TESPA1: variants seen among roughly 807,000 people sequenced by gnomAD.
The protein encoded by TESPA1 is thymocyte expressed, positive selection associated 1.
A neutral mutation model predicts 57.9 loss-of-function variants in TESPA1; 33 were observed. The observed-to-expected ratio is 0.57, with a 90% CI of 0.43 to 0.76. TESPA1 has a LOEUF of 0.76. TESPA1 is among the 30% of genes least tolerant of loss of function. The probability of loss-of-function intolerance (pLI) is 0.00; values close to 1 mark genes in which losing one functional copy is unlikely to be tolerated. For missense variants in TESPA1, 618 were observed against 632.9 expected (o/e 0.98, Z 0.25); for synonymous variants, 227 against 228.9 (o/e 0.99, Z 0.07).
chr12:54,961,094 A>T lies in TESPA1; in HGVS notation c.*1+74T>A, dbSNP rs576442657. The T allele has an allele frequency of 6.3e-4, 775 of 1,222,426 alleles. 13 individuals are homozygous for T. In the South Asian group the frequency reaches 0.014, roughly 23 times the overall value. 75.7% of individuals were successfully genotyped at this position (1,222,426 alleles called of 1,614,324 possible). A position where few individuals can be genotyped will look rare whatever the true frequency, so the allele number is the denominator to read the frequency against. On this transcript the variant is annotated intron_variant, in intron 10 of 10. Coordinates refer to ENST00000449076, the MANE Select transcript of TESPA1 (RefSeq NM_001136030.3). ...TGTGGGACCCTTTATTATGGGTTTA[A>T]AAAAAAAAAACCTTCCTCATTTGAT...
intron 3 of TESPA1, among the ~76,000 whole-genome samples, chr12:54,969,283 A>C (rs898123994): frequency 2.6e-5 from 4 of 151,762 alleles, no homozygotes; most frequent in Admixed American, 2.0e-4. Flanking sequence ...TAATTACATA[A>C]AGTATGTTGT....
chr12:54,959,397 A>T (rs978083839), intron 10 of TESPA1, among the ~76,000 whole-genome samples: 11 of 152,204 alleles, frequency 7.2e-5, no homozygotes, highest in African/African-American at 2.7e-4. Flanking sequence ...GCATTTCAAA[A>T]TGGTTCCTTT....
At chr12:54,957,235 T>C (rs938594960) in intron 10 of TESPA1, among the ~76,000 whole-genome samples, 1 of 152,190 alleles carries the variant, frequency 6.6e-6, no homozygotes, top group Non-Finnish European at 1.5e-5. Flanking sequence ...GGGCAATGCA[T>C]GGGCTGCACA....
intron 6 of TESPA1, 29 bp from the exon 7 acceptor site, chr12:54,966,180 A>G: frequency 6.4e-7 from 1 of 1,563,738 alleles, no homozygotes; most frequent in Non-Finnish European, 8.7e-7. Flanking sequence ...ATGTCATACA[A>G]ATCTTGTTTC....
Position 54,966,555 on chromosome 12 carries a change from T to A in TESPA1, c.311-131A>T, listed in dbSNP as rs894878464. ...ACTATGACAGGCTAGCTGGACCCCA[T>A]AAATTCTGCACTTCTTGGGGCCTCA... On this transcript the variant is annotated intron_variant, in intron 5 of 10. Coordinates refer to ENST00000449076, the MANE Select transcript of TESPA1 (RefSeq NM_001136030.3). 5 of 1,029,586 alleles carry A rather than the reference T, an allele frequency of 4.9e-6. No homozygotes were observed. The South Asian group carries it at 8.0e-5, about 17-fold the overall frequency. 63.8% of individuals were successfully genotyped at this position (1,029,586 alleles called of 1,614,324 possible).
intron 8 of TESPA1, 92 bp downstream of exon 8, chr12:54,963,650 C>T: frequency 1.4e-6 from 2 of 1,390,016 alleles, no homozygotes; most frequent in East Asian, 2.5e-5. Context: ...TTAAAGATAA[C>T]CAAGAGAAAG....
intron 3 of TESPA1, among the ~76,000 whole-genome samples, chr12:54,969,935 C>T (rs931041064): frequency 2.0e-5 from 3 of 151,934 alleles, no homozygotes; most frequent in Admixed American, 6.6e-5. Flanking sequence ...TATTTATTTG[C>T]CTATTATTTA....
At chr12:54,971,131 T>G (rs895732594) in intron 3 of TESPA1, among the ~76,000 whole-genome samples, 5 of 152,358 alleles carry the variant, frequency 3.3e-5, no homozygotes, top group South Asian at 2.1e-4. Context: ...CTGCAGAGCT[T>G]GTCAGAAAAG....
At chr12:54,954,096 G>A (rs1950584789) in intron 10 of TESPA1, among the ~76,000 whole-genome samples, 1 of 152,170 alleles carries the variant, frequency 6.6e-6, no homozygotes, top group Non-Finnish European at 1.5e-5. Flanking sequence ...AAAGGGTCAA[G>A]GCACACAGTA....
intron 1 of TESPA1, among the ~76,000 whole-genome samples, chr12:54,979,207 TA>T (rs11420030): frequency 6.6e-6 from 1 of 151,882 alleles, no homozygotes; most frequent in Non-Finnish European, 1.5e-5. Flanking sequence ...TTCTCCTATT[TA>T]AAAAAAATAT....
In TESPA1 at chr12:54,973,641, A is replaced by ATTT. The variant is rs1354140446; in HGVS notation, c.164-123_164-122insAAA. On this transcript the variant is annotated intron_variant, in intron 2 of 10. Coordinates refer to ENST00000449076, the MANE Select transcript of TESPA1 (RefSeq NM_001136030.3). ...CTGCGTCATGAATCTTTTTTTCTAC[A>ATTT]TAAAGCTTTTCTTTAAGATATGAGA... 29 of 1,547,602 alleles carry ATTT rather than the reference A, an allele frequency of 1.9e-5. No homozygotes were observed. The African/African-American group carries it at 3.6e-4, about 19-fold the overall frequency.
intron 10 of TESPA1, among the ~76,000 whole-genome samples, chr12:54,957,932 A>G (rs1218870071): frequency 1.3e-5 from 2 of 152,210 alleles, no homozygotes; most frequent in Non-Finnish European, 2.9e-5. Flanking sequence ...ATGTGGAAAA[A>G]TGTGTGCCTT....
chr12:54,975,986 G>A (rs139169788), intron 1 of TESPA1, among the ~76,000 whole-genome samples: 6 of 152,274 alleles, frequency 3.9e-5, no homozygotes, highest in Middle Eastern at 3.4e-3. Flanking sequence ...CAAGTGAGAC[G>A]GTAGTTAGCA....
Position 54,950,324 on chromosome 12 carries a change from T to G in TESPA1, c.*68A>C, listed in dbSNP as rs1387797442. On this transcript the variant is annotated 3_prime_UTR_variant, in exon 11 of 11. Coordinates refer to ENST00000449076, the MANE Select transcript of TESPA1 (RefSeq NM_001136030.3). ...GGGCAGTGCAGTTTCCTGCAAGAGGTGGCTTTTAGTTTCTTCTTTGAAGCC... is the reference window on the plus strand; with the variant it reads ...GGGCAGTGCAGTTTCCTGCAAGAGGGGGCTTTTAGTTTCTTCTTTGAAGCC... The G allele has an allele frequency of 4.4e-6, 2 of 456,942 alleles. No homozygotes were observed. The highest frequency in any genetic ancestry group is 4.7e-5 in the Admixed American group (2 of 42,590). 28.3% of individuals were successfully genotyped at this position (456,942 alleles called of 1,614,324 possible).
At chr12:54,957,885 G>A (rs567463428) in intron 10 of TESPA1, among the ~76,000 whole-genome samples, 59 of 152,294 alleles carry the variant, frequency 3.9e-4, no homozygotes, top group Middle Eastern at 3.4e-3. Context: ...CTGACACTAT[G>A]AATTTTAAGG....
chr12:54,963,607 A>G (rs1313723237), intron 8 of TESPA1, 135 bp downstream of exon 8: 3 of 1,006,226 alleles, frequency 3.0e-6, no homozygotes, highest in African/African-American at 1.6e-5. Context: ...ACTGAAGACA[A>G]CATAAGAGGA....
rs1353736979 is a variant in TESPA1 at position 54,963,262 on chromosome 12, A to G, written c.656-20T>C. ...ACCTGCCTGGGTACAAGAGTTAAAG[A>G]TGGTAAGTCTGGGGTTCATCAGCAA... On this transcript the variant is annotated intron_variant, in intron 8 of 10. Coordinates refer to ENST00000449076, the MANE Select transcript of TESPA1 (RefSeq NM_001136030.3). The G allele has an allele frequency of 6.3e-7, 1 of 1,591,164 alleles. No homozygotes were observed. Among genetic ancestry groups the G allele is most frequent in the South Asian group, 1.1e-5 (1 of 88,458 alleles).
intron 10 of TESPA1, among the ~76,000 whole-genome samples, chr12:54,960,241 A>C (rs557943719): frequency 1.1e-3 from 162 of 152,340 alleles, no homozygotes; most frequent in African/African-American, 3.9e-3. Context: ...GGTGGTTAAA[A>C]CTACAGAAAG....
intron 3 of TESPA1, 136 bp from the exon 4 acceptor site, chr12:54,968,028 A>T: frequency 6.5e-7 from 1 of 1,532,036 alleles, no homozygotes; most frequent in South Asian, 1.2e-5. Context: ...TATGTTGGAG[A>T]AAACAAAGAC....
Sources: allele counts gnomAD v4.1 joint callset (sites outside exome capture counted in the v4.1 genomes callset), GRCh38; gene constraint gnomAD v4.1.1; transcripts MANE v1.5; gene names NCBI Gene and HGNC (gene_info 2026-07-23, HGNC 2026-07-21).